Variants in RBFOX1 observed in about 807,000 individuals in gnomAD.
RBFOX1 encodes the protein RNA binding protein fox-1 homolog 1.
Under a neutral mutation model 57.7 loss-of-function variants are expected in RBFOX1, and 8 were observed. The ratio of observed to expected loss-of-function variants is 0.14; its 90% CI spans 0.08 to 0.25. RBFOX1 has a LOEUF of 0.25. RBFOX1 is among the 10% of genes least tolerant of loss of function. The pLI is 1.00. For missense variants in RBFOX1, 611 were observed against 548.5 expected, an observed-to-expected ratio of 1.11 and a Z score of -1.14; for synonymous variants, 326 against 222.4, an observed-to-expected ratio of 1.47 and a Z score of -4.15.
At chr16:7,281,811 C>A (rs1376662682) in intron 4 of RBFOX1, among the ~76,000 whole-genome samples, 2 of 152,058 alleles carry the variant, frequency 1.3e-5, no homozygotes, top group Non-Finnish European at 2.9e-5. Flanking sequence ...CCAAAATAAT[C>A]TTTCTTTCTC....
intron 4 of RBFOX1, among the ~76,000 whole-genome samples, chr16:7,418,356 G>T (rs1247695869): frequency 1.3e-5 from 2 of 152,202 alleles, no homozygotes; most frequent in African/African-American, 4.8e-5. Flanking sequence ...GCATCTCCTG[G>T]TGTCTTGTGT....
chr16:5,865,928 G>C (rs1470271396), intron 3 of RBFOX1, among the ~76,000 whole-genome samples: 1 of 151,932 alleles, frequency 6.6e-6, no homozygotes, highest in Non-Finnish European at 1.5e-5. Flanking sequence ...GAGAGAGGGA[G>C]AGAGAGAAAG....
chr16:7,159,269 C>T (rs1335623648), intron 4 of RBFOX1, among the ~76,000 whole-genome samples: 2 of 148,682 alleles, frequency 1.3e-5, no homozygotes, highest in Non-Finnish European at 3.0e-5. Context: ...TCAGTAGACA[C>T]CCTGAGGCTG....
chr16:7,300,310 C>G (rs920527586), intron 4 of RBFOX1, among the ~76,000 whole-genome samples: 26 of 152,190 alleles, frequency 1.7e-4, no homozygotes, highest in African/African-American at 5.3e-4. Context: ...AGAACAGTGC[C>G]TGGAATGAGA....
At chr16:5,355,504 C>G (rs1025882150) in intron 1 of RBFOX1, among the ~76,000 whole-genome samples, 7 of 152,154 alleles carry the variant, frequency 4.6e-5, no homozygotes, top group African/African-American at 1.7e-4. Flanking sequence ...CTGAGGTCAG[C>G]TGAAGCTGGG....
At chr16:7,393,797 G>C (rs770795748) in intron 4 of RBFOX1, among the ~76,000 whole-genome samples, 1 of 152,146 alleles carries the variant, frequency 6.6e-6, no homozygotes, top group South Asian at 2.1e-4. Flanking sequence ...TTTACTCCAG[G>C]CATCTCTGGC....
At chr16:7,660,666 G>A (rs184267137) in intron 12 of RBFOX1, among the ~76,000 whole-genome samples, 2 of 152,308 alleles carry the variant, frequency 1.3e-5, no homozygotes, top group East Asian at 3.9e-4. Flanking sequence ...ATAGAGCTAT[G>A]ATTCTCATAT....
chr16:5,803,097 T>G (rs965880429), intron 3 of RBFOX1, among the ~76,000 whole-genome samples: 1 of 152,074 alleles, frequency 6.6e-6, no homozygotes, highest in Non-Finnish European at 1.5e-5. Flanking sequence ...ATGGCAGGAA[T>G]GGGTTGGATG....
At chr16:6,572,600 C>CTT (rs1216544776) in intron 2 of RBFOX1, among the ~76,000 whole-genome samples, 1 of 146,624 alleles carries the variant, frequency 6.8e-6, no homozygotes, top group African/African-American at 2.5e-5. Context: ...CCTTCTCTGT[C>CTT]TTTTTTTTTT....
At chr16:6,280,916 C>G (rs929551376) in intron 1 of RBFOX1, among the ~76,000 whole-genome samples, 5 of 150,286 alleles carry the variant, frequency 3.3e-5, no homozygotes, top group African/African-American at 9.8e-5. Context: ...TCTAACATCT[C>G]CAAAGCAGAT....
intron 1 of RBFOX1, among the ~76,000 whole-genome samples, chr16:6,194,267 C>A (rs2097165777): frequency 6.6e-6 from 1 of 152,154 alleles, no homozygotes; most frequent in Admixed American, 6.5e-5. Flanking sequence ...GCCTTATTCT[C>A]ACTGTTCTTT....
chr16:6,366,284 C>T (rs2089600399), intron 2 of RBFOX1, among the ~76,000 whole-genome samples: 2 of 152,086 alleles, frequency 1.3e-5, no homozygotes, highest in African/African-American at 4.8e-5. Context: ...TTGCTTTTGA[C>T]AGATGTTCTA....
rs770206525 is a variant in RBFOX1 at position 7,457,032 on chromosome 16, C to A, written c.28-61115C>A. ...CCTCCCAAGTAGCTGGGATTGCAGG[C>A]ACGCACCACCACGCCCGGCTAATTT... On this transcript the variant is annotated intron_variant, in intron 4 of 15. Transcript: ENST00000550418. Among the ~76,000 whole-genome samples, 101 of 151,960 alleles carry A rather than the reference C, an allele frequency of 6.6e-4. 1 individual carries two copies. Among genetic ancestry groups the A allele is most frequent in the Non-Finnish European group, 6.2e-4 (42 of 68,004 alleles).
chr16:6,943,045 T>A (rs2078835852), intron 3 of RBFOX1, among the ~76,000 whole-genome samples: 1 of 152,154 alleles, frequency 6.6e-6, no homozygotes, highest in Non-Finnish European at 1.5e-5. Flanking sequence ...GGGAGAAAGC[T>A]CCCTGAATGC....
intron 3 of RBFOX1, among the ~76,000 whole-genome samples, chr16:6,670,180 C>T (rs543154218): frequency 2.2e-4 from 33 of 152,218 alleles, no homozygotes; most frequent in African/African-American, 7.9e-4. Flanking sequence ...CCTCCTACAT[C>T]AGCTTCCCAA....
chr16:7,507,577 T>TTTTTG (rs1555529563), intron 4 of RBFOX1, among the ~76,000 whole-genome samples: 9 of 146,480 alleles, frequency 6.1e-5, no homozygotes, highest in African/African-American at 2.3e-4. Context: ...TTTTTTTTTT[T>TTTTTG]TTTTGAGACG....
chr16:5,873,072 C>A (rs1353616128), intron 4 of RBFOX1, among the ~76,000 whole-genome samples: 1 of 152,120 alleles, frequency 6.6e-6, no homozygotes, highest in Non-Finnish European at 1.5e-5. Context: ...ATAGCTTGAA[C>A]CCAGGAGGCA....
chr16:6,955,748 A>C (rs1022330664), intron 3 of RBFOX1, among the ~76,000 whole-genome samples: 1 of 151,340 alleles, frequency 6.6e-6, no homozygotes, highest in Non-Finnish European at 1.5e-5. Context: ...TTGTTCCCCA[A>C]GCTGGAGTGC....
chr16:7,240,882 T>C (rs758741152), intron 4 of RBFOX1, among the ~76,000 whole-genome samples: 53 of 152,312 alleles, frequency 3.5e-4, no homozygotes, highest in Admixed American at 9.8e-4. Context: ...ATATTGTTTT[T>C]TGAAACTCTT....
Sources: allele counts gnomAD v4.1 joint callset (sites outside exome capture counted in the v4.1 genomes callset), GRCh38; gene constraint gnomAD v4.1.1; transcripts MANE v1.5; gene names NCBI Gene and HGNC (gene_info 2026-07-23, HGNC 2026-07-21).